The following NMT1 variants were observed in gnomAD, a reference collection of about 807,000 sequenced individuals.
NMT1 encodes N-myristoyltransferase 1, also known as glycylpeptide N-tetradecanoyltransferase 1.
In NMT1, 12 loss-of-function variants were observed where a neutral mutation model predicts 63.4. That is an observed-to-expected ratio of 0.19 (90% CI 0.12 to 0.31). The LOEUF (loss-of-function observed/expected upper bound fraction) is 0.31. Ranked by LOEUF, NMT1 falls within the 10% of genes least tolerant of loss-of-function variation. The pLI, the probability that NMT1 is intolerant of heterozygous loss-of-function variation, is 1.00. For synonymous variants in NMT1, 228 were observed against 234.3 expected (o/e 0.97, Z 0.25); for missense variants, 432 against 634.6 (o/e 0.68, Z 3.43).
At chr17:45,071,142 G>A (rs41408545) in intron 1 of NMT1, among the ~76,000 whole-genome samples, 15,648 of 152,186 alleles carry the variant, frequency 0.1, 926 homozygotes, top group Middle Eastern at 0.18. Context: ...TTTGCAAAAG[G>A]ATTTCCTGAT....
At chr17:45,097,538 T>C (rs1164048328) in intron 6 of NMT1, among the ~76,000 whole-genome samples, 2 of 152,062 alleles carry the variant, frequency 1.3e-5, no homozygotes, top group African/African-American at 2.4e-5. Context: ...TTACATTTTA[T>C]AGAGGCAAGG....
chr17:45,101,786 G>A (rs1369337480), intron 8 of NMT1, among the ~76,000 whole-genome samples: 1 of 152,082 alleles, frequency 6.6e-6, no homozygotes, highest in African/African-American at 2.4e-5. Flanking sequence ...CTGAAATCAG[G>A]CTAATCCACC....
Position 45,105,184 on chromosome 17 carries a change from TGA to T in NMT1, c.1470+190_1470+191del, listed in dbSNP as rs2054194747. On this transcript the variant is annotated intron_variant, in intron 11 of 11. Coordinates refer to ENST00000258960, the MANE Select transcript of NMT1 (RefSeq NM_021079.5). This position sits in a 1 kb window ranked among gnomAD's most constrained non-coding sequence, Gnocchi z 4.2. ...AGCGTTCCCCTCTCAGCAACTGGTG[TGA>T]GGATGGCAGAGGGGACAGAGCCACA... is the stretch of plus-strand genomic sequence containing the variant. Among the ~76,000 whole-genome samples the T allele has an allele frequency of 6.6e-6, 1 of 152,022 alleles. No individual in the cohort carries two copies. The highest frequency in any genetic ancestry group is 2.4e-5 in the African/African-American group (1 of 41,372).
chr17:45,063,522 T>C (rs995942813), intron 1 of NMT1, among the ~76,000 whole-genome samples: 1 of 152,184 alleles, frequency 6.6e-6, no homozygotes. Context: ...ATTTTTATCT[T>C]CTTAACTGTT....
chr17:45,086,124 C>CT (rs758394346), intron 2 of NMT1, among the ~76,000 whole-genome samples: 3,127 of 117,472 alleles, frequency 0.027, 87 homozygotes, highest in African/African-American at 0.038. Context: ...GCCCAGCACT[C>CT]TTTTTTTTTT....
intron 1 of NMT1, among the ~76,000 whole-genome samples, chr17:45,062,690 T>G (rs867460488): frequency 5.9e-5 from 9 of 152,334 alleles, no homozygotes; most frequent in Middle Eastern, 3.4e-3. Flanking sequence ...CTGTATAGCA[T>G]GTTACTGTAA....
chr17:45,079,249 C>T (rs576138899), intron 1 of NMT1, among the ~76,000 whole-genome samples: 13 of 152,128 alleles, frequency 8.5e-5, no homozygotes, highest in Middle Eastern at 3.4e-3. Flanking sequence ...GGATTACAGG[C>T]GCATGCCTCC....
chr17:45,086,744 G>C, intron 3 of NMT1, 92 bp downstream of exon 3: 1 of 1,380,426 alleles, frequency 7.2e-7, no homozygotes, highest in Non-Finnish European at 9.8e-7. Context: ...ATTACTGTAG[G>C]GAGGGCAGTA....
chr17:45,083,318 C>CA (rs780867275), intron 2 of NMT1, among the ~76,000 whole-genome samples: 1,379 of 102,524 alleles, frequency 0.013, 8 homozygotes, highest in Admixed American at 0.034. Context: ...GACTTTGTCT[C>CA]AAAAAAAAAA....
chr17:45,100,814 G>T (rs1034042162), intron 8 of NMT1, among the ~76,000 whole-genome samples: 3 of 123,284 alleles, frequency 2.4e-5, no homozygotes, highest in South Asian at 2.8e-4. Context: ...AGTGAGCCAA[G>T]ATCGCACCAC....
chr17:45,097,288 C>A, intron 6 of NMT1, 44 bp downstream of exon 6: 1 of 1,402,580 alleles, frequency 7.1e-7, no homozygotes, highest in Non-Finnish European at 1.0e-6. Flanking sequence ...CACCGCCATC[C>A]TGCTTGGTCT....
rs1391053186 is a variant in NMT1 at position 45,108,746 on chromosome 17, G to A, written c.*3107G>A. On this transcript the variant is annotated 3_prime_UTR_variant, in exon 12 of 12. Coordinates refer to ENST00000258960, the MANE Select transcript of NMT1 (RefSeq NM_021079.5). Reference sequence around the variant, plus strand: ...AGGCCTGAGGCTTCAGTTTTACTCTGCTGCAAAATGAAGGCGGGCCTGCAA... The same window carrying A: ...AGGCCTGAGGCTTCAGTTTTACTCTACTGCAAAATGAAGGCGGGCCTGCAA... The A allele has an allele frequency of 6.6e-6, 1 of 152,252 alleles. No individual in the cohort carries two copies. The highest frequency in any genetic ancestry group is 1.5e-5 in the Non-Finnish European group (1 of 68,034). The allele number at this position is 152,252 out of a possible 1,614,324, so 9.4% of individuals were successfully genotyped here.
At chr17:45,093,898 G>C in intron 4 of NMT1, 95 bp downstream of exon 4, 2 of 1,019,878 alleles carry the variant, frequency 2.0e-6, no homozygotes, top group Non-Finnish European at 3.0e-6. Flanking sequence ...TCGAGCCCTA[G>C]AGAGCTGAGC....
chr17:45,079,857 G>A (rs999148560), intron 1 of NMT1, among the ~76,000 whole-genome samples: 1 of 151,426 alleles, frequency 6.6e-6, no homozygotes, highest in African/African-American at 2.5e-5. Flanking sequence ...CTGCCACCAC[G>A]CCTGGCTAAT....
intron 1 of NMT1, among the ~76,000 whole-genome samples, chr17:45,065,759 G>C (rs1389973395): frequency 6.6e-6 from 1 of 151,338 alleles, no homozygotes; most frequent in Non-Finnish European, 1.5e-5. Flanking sequence ...TATTTAAAAT[G>C]TTCTCAAAAA....
chr17:45,096,053 A>G lies in NMT1; in HGVS notation c.505-141A>G, dbSNP rs1567870251. ...TTGCTCCAAGAGTTCCTACCATGCC[A>G]GGGGGCAGAAGGATTTGTGAGACTC... On this transcript the variant is annotated intron_variant, in intron 4 of 11. Coordinates refer to ENST00000258960, the MANE Select transcript of NMT1 (RefSeq NM_021079.5). 6 of 651,828 alleles carry G rather than the reference A, an allele frequency of 9.2e-6. No individual in the cohort carries two copies. In the East Asian group the frequency reaches 1.1e-4, roughly 12 times the overall value. The allele number at this position is 651,828 out of a possible 1,614,324, so 40.4% of individuals were successfully genotyped here. A position where few individuals can be genotyped will look rare whatever the true frequency, so the allele number is the denominator to read the frequency against.
In NMT1 at chr17:45,098,516, C is replaced by A; in HGVS notation, c.848C>A (p.Ala283Asp). 2 of 1,614,168 alleles carry A rather than the reference C, an allele frequency of 1.2e-6. No individual in the cohort carries two copies. Among genetic ancestry groups the A allele is most frequent in the Non-Finnish European group, 1.7e-6 (2 of 1,180,026 alleles). The change falls in exon 7 of 12, where the codon GCC (alanine) becomes GAC (aspartate). Residue 283 changes from alanine to aspartate, a missense_variant. Around this residue, in one of 4 missense-constraint regions of NMT1, gnomAD observed 295 missense variants for 489.7 expected, o/e 0.60. Coordinates refer to ENST00000258960, the MANE Select transcript of NMT1 (RefSeq NM_021079.5). ...GGCATCTTCCAAGCAGTTTACACTG[C>A]CGGGGTGGTACTACCAAAGCCCGTT... ...LEGIFQAVYTAGVVLPKPVGT... is the reference protein window; with the variant it reads ...LEGIFQAVYTDGVVLPKPVGT...
In NMT1 at chr17:45,086,540, A is replaced by T; in HGVS notation, c.273A>T (p.Glu91Asp). The change falls in exon 3 of 12, where the codon GAA becomes GAT. Residue 91 changes from glutamate (E) to aspartate (D), a missense_variant. Transcript: ENST00000258960. The part of the protein sequence containing the change: ...MNSLPAERIQ[E>D]IQKAIELFSV... ...CTTTGCCAGCAGAGAGGATCCAGGA[A>T]ATACAGAAGGCCATTGAGCTGTTCT... 1 of 1,612,722 alleles carries T rather than the reference A, an allele frequency of 6.2e-7. No homozygotes were observed. The highest frequency in any genetic ancestry group is 8.5e-7 in the Non-Finnish European group (1 of 1,179,512).
At chr17:45,074,727 A>G (rs746003839) in intron 1 of NMT1, among the ~76,000 whole-genome samples, 9 of 151,730 alleles carry the variant, frequency 5.9e-5, no homozygotes, top group Non-Finnish European at 1.2e-4. Context: ...TGAATTCTCT[A>G]CTCTTTATTT....
Sources: gnomAD v4.1 joint callset for allele counts (sites outside exome capture counted in the v4.1 genomes callset) on GRCh38, gnomAD v4.1.1 for gene constraint, gnomAD v4.1.1 regional missense constraint, Gnocchi (gnomAD v3.1) non-coding constraint, MANE v1.5 for transcripts, NCBI Gene and HGNC (gene_info 2026-07-23, HGNC 2026-07-21) for gene names.